SRBD1: variants seen among roughly 807,000 people sequenced by gnomAD.
The protein encoded by SRBD1 is S1 RNA binding domain 1, also known as S1 RNA-binding domain-containing protein 1.
Under a neutral mutation model 115.3 loss-of-function variants are expected in SRBD1, and 88 were observed. The ratio of observed to expected loss-of-function variants is 0.76; its 90% CI spans 0.64 to 0.91. SRBD1 has a LOEUF of 0.91. SRBD1 is among the 40% of genes least tolerant of loss of function. The probability of loss-of-function intolerance (pLI) is 0.00; values close to 1 mark genes in which losing one functional copy is unlikely to be tolerated. For missense variants in SRBD1, 1,385 were observed against 1,177.4 expected (o/e 1.18, Z -2.58); for synonymous variants, 509 against 407.7 (o/e 1.25, Z -2.99).
intron 4 of SRBD1, among the ~76,000 whole-genome samples, chr2:45,593,398 T>C (rs1276019524): frequency 1.3e-5 from 2 of 152,080 alleles, no homozygotes; most frequent in Non-Finnish European, 2.9e-5. Context: ...CACAACCAAG[T>C]GGAAGCAATG....
At chr2:45,428,420 A>G (rs1347182936) in intron 16 of SRBD1, among the ~76,000 whole-genome samples, 1 of 152,082 alleles carries the variant, frequency 6.6e-6, no homozygotes, top group Non-Finnish European at 1.5e-5. Flanking sequence ...GCGTGGTGGC[A>G]AGCGCCTGTA....
intron 9 of SRBD1, among the ~76,000 whole-genome samples, chr2:45,571,814 T>C (rs1252506144): frequency 1.3e-5 from 2 of 151,580 alleles, no homozygotes; most frequent in East Asian, 3.9e-4. Flanking sequence ...AGCCTGAAGA[T>C]AGGTCAAATG....
intron 14 of SRBD1, among the ~76,000 whole-genome samples, chr2:45,505,789 AAAT>A (rs1670778436): frequency 1.3e-5 from 2 of 150,524 alleles, no homozygotes; most frequent in Admixed American, 1.3e-4. Context: ...CCAAAGAGTT[AAAT>A]AATCAGACCA....
chr2:45,501,373 T>C (rs1670625014), intron 14 of SRBD1, among the ~76,000 whole-genome samples: 1 of 152,184 alleles, frequency 6.6e-6, no homozygotes, highest in African/African-American at 2.4e-5. Flanking sequence ...GCTCCCTGCG[T>C]GAGCGACACA....
intron 16 of SRBD1, among the ~76,000 whole-genome samples, chr2:45,437,391 G>A (rs1220254400): frequency 1.3e-5 from 2 of 150,014 alleles, no homozygotes; most frequent in Non-Finnish European, 3.0e-5. Flanking sequence ...TAGATCAATG[G>A]AATAGAAAGC....
chr2:45,565,066 G>C (rs889411037), intron 9 of SRBD1, among the ~76,000 whole-genome samples: 1 of 152,164 alleles, frequency 6.6e-6, no homozygotes, highest in African/African-American at 2.4e-5. Flanking sequence ...TCCCCAAGTT[G>C]ATTTACAAAT....
At chr2:45,581,317 G>A (rs188441482) in intron 6 of SRBD1, among the ~76,000 whole-genome samples, 39 of 152,184 alleles carry the variant, frequency 2.6e-4, no homozygotes, top group Admixed American at 1.8e-3. Context: ...ATCCTGACCT[G>A]CTAACAAACA....
intron 9 of SRBD1, among the ~76,000 whole-genome samples, chr2:45,568,302 C>T (rs1672900238): frequency 6.6e-6 from 1 of 152,170 alleles, no homozygotes; most frequent in African/African-American, 2.4e-5. Context: ...GAGAGAGTTC[C>T]ACAGTAATTT....
intron 4 of SRBD1, among the ~76,000 whole-genome samples, chr2:45,586,549 T>C (rs1194537180): frequency 6.6e-6 from 1 of 152,134 alleles, no homozygotes; most frequent in Admixed American, 6.5e-5. Flanking sequence ...TACTTTTTAA[T>C]TTTTTTATTT....
chr2:45,567,093 C>T (rs1015320999), intron 9 of SRBD1, among the ~76,000 whole-genome samples: 3 of 152,018 alleles, frequency 2.0e-5, no homozygotes, highest in Non-Finnish European at 4.4e-5. Flanking sequence ...AATTCTACCA[C>T]GAAAATTTCT....
intron 19 of SRBD1, among the ~76,000 whole-genome samples, chr2:45,409,127 T>G (rs1667521493): frequency 6.6e-6 from 1 of 151,974 alleles, no homozygotes; most frequent in South Asian, 2.1e-4. Flanking sequence ...GGGGCTGAGG[T>G]GGGAGGATTG....
chr2:45,414,712 A>G (rs1435907439), intron 18 of SRBD1, among the ~76,000 whole-genome samples: 5 of 138,884 alleles, frequency 3.6e-5, no homozygotes, highest in African/African-American at 1.4e-4. Context: ...TGTATATAGT[A>G]TGTATATACA....
chr2:45,542,876 C>G (rs114792130), intron 14 of SRBD1, among the ~76,000 whole-genome samples: 2,109 of 152,240 alleles, frequency 0.014, 49 homozygotes, highest in African/African-American at 0.039. Context: ...ATAAAAAGAA[C>G]CACTGGTTTC....
At chr2:45,586,679 G>A (rs1002218142) in intron 4 of SRBD1, among the ~76,000 whole-genome samples, 1 of 151,204 alleles carries the variant, frequency 6.6e-6, no homozygotes, top group Non-Finnish European at 1.5e-5. Context: ...CAAATAGCTG[G>A]GACTACAAGC....
At chr2:45,555,141 T>C (rs1672432295) in intron 10 of SRBD1, among the ~76,000 whole-genome samples, 1 of 152,064 alleles carries the variant, frequency 6.6e-6, no homozygotes, top group Non-Finnish European at 1.5e-5. Flanking sequence ...AATCCCAGAG[T>C]ATGGCCTTCC....
intron 19 of SRBD1, among the ~76,000 whole-genome samples, chr2:45,397,471 A>G (rs1667178722): frequency 6.6e-6 from 1 of 152,238 alleles, no homozygotes; most frequent in Middle Eastern, 3.2e-3. Context: ...AGCTGAATTT[A>G]CACAGCTGAG....
chr2:45,547,176 A>G (rs140320934), intron 13 of SRBD1, among the ~76,000 whole-genome samples: 118 of 152,336 alleles, frequency 7.7e-4, no homozygotes, highest in African/African-American at 2.7e-3. Flanking sequence ...TTATGATTAA[A>G]TTATATAATA....
chr2:45,474,803 G>A (rs929295948), intron 16 of SRBD1, among the ~76,000 whole-genome samples: 1 of 152,106 alleles, frequency 6.6e-6, no homozygotes, highest in African/African-American at 2.4e-5. Flanking sequence ...ACTAATGGGA[G>A]GGACCCTTTC....
intron 10 of SRBD1, among the ~76,000 whole-genome samples, chr2:45,557,306 G>A (rs1174161543): frequency 2.6e-5 from 4 of 152,112 alleles, no homozygotes; most frequent in African/African-American, 9.7e-5. Context: ...CTTAGAGGTA[G>A]GAAGACCCTA....
Sources: gnomAD v4.1 joint callset for allele counts (sites outside exome capture counted in the v4.1 genomes callset) on GRCh38, gnomAD v4.1.1 for gene constraint, MANE v1.5 for transcripts, NCBI Gene and HGNC (gene_info 2026-07-23, HGNC 2026-07-21) for gene names.